FAR2: variants seen among roughly 807,000 people sequenced by gnomAD.
FAR2 encodes epididymis secretory protein Li 81.
In FAR2, 19 loss-of-function variants were observed where a neutral mutation model predicts 56.0. The ratio of observed to expected loss-of-function variants is 0.34; its 90% CI spans 0.24 to 0.50. FAR2 has a LOEUF of 0.50. Ranked by LOEUF, FAR2 falls within the 20% of genes least tolerant of loss-of-function variation. The pLI is 0.98. For missense variants in FAR2, 508 were observed against 642.2 expected (o/e 0.79, Z 2.26); for synonymous variants, 219 against 218.8 (o/e 1.00, Z -0.01).
intron 1 of FAR2, among the ~76,000 whole-genome samples, chr12:29,258,037 C>G (rs1279117262): frequency 6.6e-6 from 1 of 152,116 alleles, no homozygotes. Flanking sequence ...CCTCTCCAAT[C>G]TTTTCCACCG....
chr12:29,224,889 C>T (rs1424032906), intron 1 of FAR2, among the ~76,000 whole-genome samples: 1 of 152,148 alleles, frequency 6.6e-6, no homozygotes, highest in Non-Finnish European at 1.5e-5. Flanking sequence ...TTGTATCCTT[C>T]CTTGAGGCAA....
intron 1 of FAR2, among the ~76,000 whole-genome samples, chr12:29,253,219 C>T (rs1009973020): frequency 7.6e-6 from 1 of 131,648 alleles, no homozygotes; most frequent in Non-Finnish European, 1.7e-5. Context: ...ATCTATATAT[C>T]GATATCTATC....
chr12:29,176,157 CTCCCCAGAT>C (rs1390834730), intron 1 of FAR2, among the ~76,000 whole-genome samples: 1 of 152,194 alleles, frequency 6.6e-6, no homozygotes, highest in African/African-American at 2.4e-5. Flanking sequence ...TAATTTTATG[CTCCCCAGAT>C]TCCTCATATG....
chr12:29,282,701 A>G (rs1306193485), intron 2 of FAR2, among the ~76,000 whole-genome samples: 6 of 152,266 alleles, frequency 3.9e-5, no homozygotes, highest in Admixed American at 3.3e-4. Context: ...CATCTGTTCT[A>G]TGTATCAAAA....
chr12:29,167,618 A>G (rs1404361692), intron 1 of FAR2, among the ~76,000 whole-genome samples: 2 of 152,168 alleles, frequency 1.3e-5, no homozygotes, highest in Admixed American at 6.5e-5. Flanking sequence ...TCATTATCCT[A>G]TATCACTTTT....
chr12:29,281,601 G>A (rs1453464271), intron 2 of FAR2: 1 of 152,190 alleles, frequency 6.6e-6, no homozygotes, highest in African/African-American at 2.4e-5. Context: ...GTCATTTGCG[G>A]ACTCTGGGGC....
At chr12:29,333,070 A>G (rs1235465236) in intron 11 of FAR2, 1 of 361,136 alleles carries the variant, frequency 2.8e-6, no homozygotes, top group African/African-American at 2.1e-5. Flanking sequence ...ATAAATACCC[A>G]ACAGGCAGGA....
intron 1 of FAR2, among the ~76,000 whole-genome samples, chr12:29,221,889 C>T (rs1277024856): frequency 6.6e-6 from 1 of 152,150 alleles, no homozygotes; most frequent in Middle Eastern, 3.2e-3. Context: ...GCTCTGTCAC[C>T]CAGACTGGAA....
At chr12:29,163,518 A>G (rs150333117) in intron 1 of FAR2, among the ~76,000 whole-genome samples, 71 of 152,380 alleles carry the variant, frequency 4.7e-4, no homozygotes, top group South Asian at 4.1e-3. Context: ...CTCTATGTCT[A>G]CATCAGATAA....
At chr12:29,201,002 G>C (rs1947402007) in intron 1 of FAR2, among the ~76,000 whole-genome samples, 1 of 152,092 alleles carries the variant, frequency 6.6e-6, no homozygotes, top group Admixed American at 6.5e-5. Flanking sequence ...TCCGTCACCA[G>C]GTCAGGGGTC....
intron 2 of FAR2, among the ~76,000 whole-genome samples, chr12:29,274,096 G>A (rs1948665267): frequency 6.6e-6 from 1 of 151,928 alleles, no homozygotes; most frequent in South Asian, 2.1e-4. Flanking sequence ...CGTGTGTGCA[G>A]GTTTGTTACA....
intron 1 of FAR2, among the ~76,000 whole-genome samples, chr12:29,216,468 CA>C (rs1947622583): frequency 2.6e-5 from 4 of 151,878 alleles, no homozygotes; most frequent in Non-Finnish European, 4.4e-5. Flanking sequence ...TTATTGCTCT[CA>C]TGTGTACAGC....
chr12:29,321,384 GC>G (rs1415099617), intron 9 of FAR2, among the ~76,000 whole-genome samples: 1 of 152,040 alleles, frequency 6.6e-6, no homozygotes, highest in Non-Finnish European at 1.5e-5. Context: ...AATTAGCTGG[GC>G]CCCACTGCGC....
intron 2 of FAR2, chr12:29,292,124 G>A (rs1011232044): frequency 1.4e-4 from 22 of 152,100 alleles, no homozygotes; most frequent in African/African-American, 5.3e-4. Context: ...TGCACAGGTT[G>A]TCTGAAAGTA....
intron 2 of FAR2, among the ~76,000 whole-genome samples, chr12:29,289,637 T>C (rs1948931632): frequency 6.6e-6 from 1 of 152,096 alleles, no homozygotes; most frequent in Admixed American, 6.6e-5. Flanking sequence ...TGGGCAAAAA[T>C]TTATTGAGCA....
chr12:29,247,221 G>T (rs1948142673), intron 1 of FAR2, among the ~76,000 whole-genome samples: 1 of 152,076 alleles, frequency 6.6e-6, no homozygotes, highest in African/African-American at 2.4e-5. Context: ...TTTCCACATG[G>T]TTCAAGAAAT....
At chr12:29,318,998 CTTTT>C (rs1291768586) in intron 9 of FAR2, among the ~76,000 whole-genome samples, 1 of 145,530 alleles carries the variant, frequency 6.9e-6, no homozygotes, top group Non-Finnish European at 1.5e-5. Flanking sequence ...TTTCTTTTTT[CTTTT>C]TTTTTTGAGA....
At chr12:29,184,999 T>G (rs1363160653) in intron 1 of FAR2, among the ~76,000 whole-genome samples, 1 of 152,232 alleles carries the variant, frequency 6.6e-6, no homozygotes, top group African/African-American at 2.4e-5. Flanking sequence ...CTCAGTTTCC[T>G]CTTAATAAAA....
At chr12:29,201,738 A>G (rs1947414971) in intron 1 of FAR2, among the ~76,000 whole-genome samples, 1 of 152,242 alleles carries the variant, frequency 6.6e-6, no homozygotes. Context: ...TATAATAGCC[A>G]TTAGCCACAT....
Sources: gnomAD v4.1 joint callset for allele counts (sites outside exome capture counted in the v4.1 genomes callset) on GRCh38, gnomAD v4.1.1 for gene constraint, MANE v1.5 for transcripts, NCBI Gene and HGNC (gene_info 2026-07-23, HGNC 2026-07-21) for gene names.